SLC7A11: variants seen among roughly 807,000 people sequenced by gnomAD.
SLC7A11 encodes the protein solute carrier family 7 member 11, also known as cystine/glutamate transporter.
SLC7A11 carries 35 observed loss-of-function variants against 54.5 expected under a neutral mutation model. The ratio of observed to expected loss-of-function variants is 0.64; its 90% CI spans 0.49 to 0.85. The LOEUF is 0.85. SLC7A11 is among the 40% of genes least tolerant of loss of function. SLC7A11 has a pLI of 0.00. For missense variants in SLC7A11, 583 were observed against 618.1 expected (o/e 0.94, Z 0.60); for synonymous variants, 230 against 225.2 (o/e 1.02, Z -0.19).
chr4:138,223,442 G>A (rs1737865859), intron 3 of SLC7A11, 118 bp from the exon 4 acceptor site: 3 of 1,064,096 alleles, frequency 2.8e-6, no homozygotes, highest in Non-Finnish European at 4.1e-6. Flanking sequence ...ACTTAGAAGT[G>A]TTTTAGAAAT....
At chr4:138,211,932 G>A (rs796295147) in intron 6 of SLC7A11, among the ~76,000 whole-genome samples, 3 of 151,938 alleles carry the variant, frequency 2.0e-5, no homozygotes, top group African/African-American at 7.2e-5. Context: ...CAAAAATGCA[G>A]TTAGATAAAA....
chr4:138,195,790 A>G (rs1264300263), intron 6 of SLC7A11, among the ~76,000 whole-genome samples: 1 of 152,172 alleles, frequency 6.6e-6, no homozygotes, highest in African/African-American at 2.4e-5. Flanking sequence ...AATGAGCATT[A>G]TTAAGGGCCC....
intron 6 of SLC7A11, among the ~76,000 whole-genome samples, chr4:138,200,982 G>A (rs967148050): frequency 2.0e-5 from 3 of 152,082 alleles, no homozygotes; most frequent in African/African-American, 7.2e-5. Context: ...TAGACTATCA[G>A]GGAGGAAGAA....
In SLC7A11 at chr4:138,223,213, A is replaced by G. The variant is rs755781785; in HGVS notation, c.632T>C (p.Met211Thr). 2 of 1,613,352 alleles carry G rather than the reference A, an allele frequency of 1.2e-6. No individual in the cohort carries two copies. The highest frequency in any genetic ancestry group is 2.2e-5 in the East Asian group (1 of 44,868). The change falls in exon 4 of 12, where the codon ATG becomes ACG. Residue 211 changes from methionine (M) to threonine (T), a missense_variant. By Grantham distance (81) the Met-to-Thr change is moderately conservative. Coordinates refer to ENST00000280612, the MANE Select transcript of SLC7A11 (RefSeq NM_014331.4). ...AILIIIVPGV[M>T]QLIKGQTQNF... ...TCAGTCCATACCTTTAATTAGCTGC[A>G]TAACTCCAGGGACTATAATTATCAG...
intron 6 of SLC7A11, among the ~76,000 whole-genome samples, chr4:138,209,382 C>A (rs774677414): frequency 3.3e-5 from 5 of 151,878 alleles, no homozygotes; most frequent in African/African-American, 4.8e-5. Context: ...TAATTATTCT[C>A]CCTTGTAACT....
At chr4:138,174,325 T>C (rs1405252016) in intron 11 of SLC7A11, 1 of 152,206 alleles carries the variant, frequency 6.6e-6, no homozygotes, top group Non-Finnish European at 1.5e-5. Context: ...TTGGTTTGGG[T>C]CCGTTATTCA....
intron 6 of SLC7A11, among the ~76,000 whole-genome samples, chr4:138,199,359 C>A (rs1317560836): frequency 6.6e-6 from 1 of 152,044 alleles, no homozygotes; most frequent in East Asian, 1.9e-4. Context: ...TATACTGTTA[C>A]TGAAAATACT....
chr4:138,194,016 T>C (rs145165385), intron 6 of SLC7A11, among the ~76,000 whole-genome samples: 240 of 152,116 alleles, frequency 1.6e-3, no homozygotes, highest in African/African-American at 5.5e-3. Flanking sequence ...GGGAAGCCAA[T>C]AGAAATGGCC....
At chr4:138,232,407 G>C in intron 2 of SLC7A11, 25 bp from the exon 3 acceptor site, 1 of 1,349,672 alleles carries the variant, frequency 7.4e-7, no homozygotes, top group Non-Finnish European at 1.1e-6. Context: ...ATATATTTAG[G>C]TTAACCACAG....
intron 3 of SLC7A11, among the ~76,000 whole-genome samples, chr4:138,231,442 A>G (rs1738075915): frequency 6.6e-6 from 1 of 152,158 alleles, no homozygotes. Flanking sequence ...CAAACTAAAA[A>G]TTCTTCCACG....
At chr4:138,234,976 A>G (rs912637729) in intron 2 of SLC7A11, among the ~76,000 whole-genome samples, 7 of 152,326 alleles carry the variant, frequency 4.6e-5, no homozygotes, top group Non-Finnish European at 1.0e-4. Context: ...ATGCCAAAAA[A>G]AGGGCACTGA....
intron 3 of SLC7A11, among the ~76,000 whole-genome samples, chr4:138,224,114 T>A (rs149347622): frequency 6.6e-6 from 1 of 152,312 alleles, no homozygotes; most frequent in Non-Finnish European, 1.5e-5. Context: ...CATCGCTGTA[T>A]CGCTGGTATC....
In SLC7A11 at chr4:138,170,907, A is replaced by G. The variant is rs1364348252; in HGVS notation, c.*1049T>C. On this transcript the variant is annotated 3_prime_UTR_variant, in exon 12 of 12. Transcript: ENST00000280612. ...AGATATTTTAACAGAAGAATATAAA[A>G]TGTATAAAGAAAATGCACAAACTGT... 3.3e-5 allele frequency: 5 copies of G among 152,222 alleles called. No individual in the cohort carries two copies. The East Asian group carries it at 9.6e-4, about 29-fold the overall frequency. The allele number at this position is 152,222 out of a possible 1,614,324, so 9.4% of individuals were successfully genotyped here. A position where few individuals can be genotyped will look rare whatever the true frequency, so the allele number is the denominator to read the frequency against.
intron 6 of SLC7A11, among the ~76,000 whole-genome samples, chr4:138,200,532 C>T (rs1169999465): frequency 6.6e-6 from 1 of 152,014 alleles, no homozygotes; most frequent in East Asian, 1.9e-4. Flanking sequence ...ATTACATTTC[C>T]CCCAGCTAAT....
intron 6 of SLC7A11, among the ~76,000 whole-genome samples, chr4:138,187,962 G>A (rs1479353090): frequency 6.6e-6 from 1 of 152,020 alleles, no homozygotes; most frequent in East Asian, 1.9e-4. Flanking sequence ...AGATATTAGT[G>A]AGAAAAATAA....
chr4:138,194,143 C>T (rs1259279484), intron 6 of SLC7A11, among the ~76,000 whole-genome samples: 1 of 152,014 alleles, frequency 6.6e-6, no homozygotes, highest in Non-Finnish European at 1.5e-5. Context: ...ATGGGCTAAG[C>T]ACCCTGCCAG....
Position 138,170,050 on chromosome 4 carries a change from T to G in SLC7A11, c.*1906A>C, listed in dbSNP as rs1249694253. ...AATTCTATGTTTGCCTTTAATAATTTTAATTGGTATAATTCTTTCAAAAAT... is the reference window on the plus strand; with the variant it reads ...AATTCTATGTTTGCCTTTAATAATTGTAATTGGTATAATTCTTTCAAAAAT... On this transcript the variant is annotated 3_prime_UTR_variant, in exon 12 of 12. Transcript: ENST00000280612. 1 of 151,234 alleles carries G rather than the reference T, an allele frequency of 6.6e-6. No individual in the cohort carries two copies. The highest frequency in any genetic ancestry group is 1.9e-4 in the East Asian group (1 of 5,152). The allele number at this position is 151,234 out of a possible 1,614,324, so 9.4% of individuals were successfully genotyped here.
chr4:138,187,304 TA>T (rs1736903337), intron 6 of SLC7A11, among the ~76,000 whole-genome samples: 1 of 152,138 alleles, frequency 6.6e-6, no homozygotes, highest in Non-Finnish European at 1.5e-5. Context: ...ATAACAAAAA[TA>T]ACAGGAGCAG....
chr4:138,237,895 G>GTGCC (rs1560742984), intron 1 of SLC7A11, among the ~76,000 whole-genome samples: 1 of 149,338 alleles, frequency 6.7e-6, no homozygotes, highest in Non-Finnish European at 1.5e-5. Context: ...GGGATTAGAG[G>GTGCC]TGCCTGCCAG....
Sources: allele counts gnomAD v4.1 joint callset (sites outside exome capture counted in the v4.1 genomes callset), GRCh38; gene constraint gnomAD v4.1.1; transcripts MANE v1.5; gene names NCBI Gene and HGNC (gene_info 2026-07-23, HGNC 2026-07-21).